ZNF140: variants seen among roughly 807,000 people sequenced by gnomAD.
ZNF140 encodes the protein zinc finger protein 140, also known as zinc finger protein 140 (clone pHZ-39).
Under a neutral mutation model 12.9 loss-of-function variants are expected in ZNF140, and 13 were observed. That is an observed-to-expected ratio of 1.01 (90% confidence interval 0.66 to 1.60). ZNF140 has a LOEUF of 1.60. Ranked by LOEUF, ZNF140 falls within the 40% of genes most tolerant of loss-of-function variation. The pLI is 0.00. For synonymous variants in ZNF140, 214 were observed against 186.7 expected (o/e 1.15, Z -1.19); for missense variants, 531 against 548.8 (o/e 0.97, Z 0.32).
chr12:133,089,779 C>A (rs1954794938), intron 4 of ZNF140, among the ~76,000 whole-genome samples: 1 of 150,900 alleles, frequency 6.6e-6, no homozygotes, highest in Admixed American at 6.6e-5. Flanking sequence ...TTTTAATTAT[C>A]TTTTCAGAGA....
chr12:133,090,739 A>G (rs954154239), intron 4 of ZNF140, among the ~76,000 whole-genome samples: 93 of 147,730 alleles, frequency 6.3e-4, no homozygotes, highest in South Asian at 4.6e-3. Context: ...TATTTCAGCA[A>G]AAAGGAATGT....
At chr12:133,086,098 G>A (rs958892561) in intron 4 of ZNF140, among the ~76,000 whole-genome samples, 1 of 151,992 alleles carries the variant, frequency 6.6e-6, no homozygotes, top group Non-Finnish European at 1.5e-5. Context: ...CAATTTATTC[G>A]TTCTACTATT....
Position 133,083,544 on chromosome 12 carries a change from A to G in ZNF140, c.215A>G (p.Lys72Arg). The G allele has an allele frequency of 6.2e-7, 1 of 1,614,118 alleles. No homozygotes were observed. Among genetic ancestry groups the G allele is most frequent in the South Asian group, 1.1e-5 (1 of 91,074 alleles). The change falls in exon 4 of 5, where the codon AAA (lysine) becomes AGA (arginine). Residue 72 changes from lysine (K) to arginine (R), a missense_variant. Transcript: ENST00000355557. The stretch of plus-strand genomic sequence containing the variant: ...CCCTGGCTGGGGAAAAGGGAAGTGA[A>G]AAGAGATCTGTTTTCAGGTGAGTGA... Reference protein sequence around the residue: ...KEPWLGKREVKRDLFSVSESS... With the variant: ...KEPWLGKREVRRDLFSVSESS...
intron 4 of ZNF140, among the ~76,000 whole-genome samples, chr12:133,090,843 T>C (rs1438164928): frequency 1.2e-4 from 16 of 129,308 alleles, no homozygotes; most frequent in Admixed American, 3.2e-4. Flanking sequence ...GAAGGTACTA[T>C]GCCTAGATGT....
At position 133,083,174 on chromosome 12, in the gene ZNF140, AAG is replaced by A; in HGVS notation, c.85_86del (p.Asp29PhefsTer22). 6.2e-7 allele frequency: 1 copy of A among 1,614,216 alleles called. No homozygotes were observed. The highest frequency in any genetic ancestry group is 8.5e-7 in the Non-Finnish European group (1 of 1,180,036). ...AGTGGAAATGGCTTCAGCCTGCTCAAAGAGATTTGTACAGATGTGTAATGTTG... is the reference window on the plus strand; with the variant it reads ...AGTGGAAATGGCTTCAGCCTGCTCAAAGATTTGTACAGATGTGTAATGTTG... ...EEWKWLQPAQ[R>X]DLYRCVMLEN... On this transcript the variant is annotated frameshift_variant, in exon 3 of 5. Coordinates refer to ENST00000355557, the MANE Select transcript of ZNF140 (RefSeq NM_003440.4). LOFTEE classifies it high-confidence loss of function.
chr12:133,105,524 G>C lies in ZNF140; in HGVS notation c.247G>C (p.Gly83Arg). Residue 83 changes from glycine (G) to arginine (R), a missense_variant, in exon 5 of 5, where the codon GGT becomes CGT. Coordinates refer to ENST00000355557, the MANE Select transcript of ZNF140 (RefSeq NM_003440.4). ...GTATCTTTCAGTTTCAGAGTCAAGTGGTGAGATCAAAGACTTTTCACCAAA... is the reference window on the plus strand; with the variant it reads ...GTATCTTTCAGTTTCAGAGTCAAGTCGTGAGATCAAAGACTTTTCACCAAA... The part of the protein sequence containing the change: ...RDLFSVSESS[G>R]EIKDFSPKNV... 6.2e-7 allele frequency: 1 copy of C among 1,603,366 alleles called. No homozygotes were observed. The highest frequency in any genetic ancestry group is 8.5e-7 in the Non-Finnish European group (1 of 1,175,580).
chr12:133,090,431 C>G (rs1389904131), intron 4 of ZNF140, among the ~76,000 whole-genome samples: 1 of 152,224 alleles, frequency 6.6e-6, no homozygotes, highest in Non-Finnish European at 1.5e-5. Flanking sequence ...GTGTGAGCCA[C>G]TGCACCTGGG....
chr12:133,102,687 T>C (rs1172139590), intron 4 of ZNF140, among the ~76,000 whole-genome samples: 1 of 150,896 alleles, frequency 6.6e-6, no homozygotes, highest in Non-Finnish European at 1.5e-5. Context: ...AGGCGGCGGT[T>C]GCAGTGAGCC....
intron 4 of ZNF140, among the ~76,000 whole-genome samples, chr12:133,100,561 T>C (rs961179460): frequency 3.3e-5 from 5 of 152,226 alleles, no homozygotes; most frequent in African/African-American, 1.2e-4. Context: ...CTGAGTTGCT[T>C]TTTTTCTTCT....
Position 133,105,620 on chromosome 12 carries a change from T to G in ZNF140, c.343T>G (p.Ser115Ala), listed in dbSNP as rs1315050768. The change falls in exon 5 of 5, where the codon TCC (serine) becomes GCC (alanine). Residue 115 changes from serine (S) to alanine (A), a missense_variant. By Grantham distance (99) the Ser-to-Ala change is moderately conservative. Coordinates refer to ENST00000355557, the MANE Select transcript of ZNF140 (RefSeq NM_003440.4). ...ERILSQGPVY[S>A]SFKGGWKCKD... ...AATTCTAAGTCAAGGCCCTGTGTAT[T>G]CCAGTTTTAAAGGAGGCTGGAAATG... 2 of 1,614,050 alleles carry G rather than the reference T, an allele frequency of 1.2e-6. No homozygotes were observed. The highest frequency in any genetic ancestry group is 1.7e-6 in the Non-Finnish European group (2 of 1,180,038).
At position 133,106,604 on chromosome 12, in the gene ZNF140, T is replaced by C; in HGVS notation, c.1327T>C (p.Tyr443His). Residue 443 changes from tyrosine (Y) to histidine (H), a missense_variant, in exon 5 of 5, where the codon TAT becomes CAT. Physicochemically the swap from Tyr to His is moderately conservative, Grantham distance 83. Coordinates refer to ENST00000355557, the MANE Select transcript of ZNF140 (RefSeq NM_003440.4). ...ACACACTCTTGACAACCCCTATGAATATGAAAATTCATTTAATTACCACTC... is the reference window on the plus strand; with the variant it reads ...ACACACTCTTGACAACCCCTATGAACATGAAAATTCATTTAATTACCACTC... ...RTHTLDNPYEYENSFNYHSFL... is the reference protein window; with the variant it reads ...RTHTLDNPYEHENSFNYHSFL... 2 of 1,606,530 alleles carry C rather than the reference T, an allele frequency of 1.2e-6. No homozygotes were observed. The highest frequency in any genetic ancestry group is 1.7e-6 in the Non-Finnish European group (2 of 1,177,928).
chr12:133,095,259 T>C (rs1955028159), intron 4 of ZNF140, among the ~76,000 whole-genome samples: 1 of 150,930 alleles, frequency 6.6e-6, no homozygotes. Flanking sequence ...AAGCTTTAAC[T>C]CCCCCTCTTC....
intron 4 of ZNF140, among the ~76,000 whole-genome samples, chr12:133,085,447 C>T (rs1954642915): frequency 6.6e-6 from 1 of 152,156 alleles, no homozygotes; most frequent in African/African-American, 2.4e-5. Flanking sequence ...CATACATGTA[C>T]AGCTTAATAA....
At chr12:133,100,344 A>T (rs1044953370) in intron 4 of ZNF140, among the ~76,000 whole-genome samples, 82 of 151,636 alleles carry the variant, frequency 5.4e-4, no homozygotes, top group Non-Finnish European at 9.7e-4. Flanking sequence ...ATTTAAAAAA[A>T]TTTTTTTAGA....
intron 4 of ZNF140, among the ~76,000 whole-genome samples, chr12:133,087,723 ATTG>A (rs1954720239): frequency 6.6e-6 from 1 of 152,198 alleles, no homozygotes; most frequent in African/African-American, 2.4e-5. Context: ...TCTTTGTAGA[ATTG>A]TTGCATACCT....
At position 133,080,965 on chromosome 12, in the gene ZNF140, G is replaced by A. The variant is rs1954450771; in HGVS notation, c.-156G>A. ...TGTAGGCAACGAAAGGAGCCCTCCC[G>A]GTCTGCGCCGGATGGCCCCGGGCGG... On this transcript the variant is annotated 5_prime_UTR_variant, in exon 1 of 5. Coordinates refer to ENST00000355557, the MANE Select transcript of ZNF140 (RefSeq NM_003440.4). 6.3e-6 allele frequency: 1 copy of A among 159,662 alleles called. No individual in the cohort carries two copies. The highest frequency in any genetic ancestry group is 2.4e-5 in the African/African-American group (1 of 41,638). 9.9% of individuals were successfully genotyped at this position (159,662 alleles called of 1,614,324 possible).
At position 133,106,672 on chromosome 12, in the gene ZNF140, CTA is replaced by C. The variant is rs1593815595; in HGVS notation, c.*23_*24del. 1 of 1,533,056 alleles carries C rather than the reference CTA, an allele frequency of 6.5e-7. No homozygotes were observed. 95.0% of individuals were successfully genotyped at this position (1,533,056 alleles called of 1,614,324 possible). On this transcript the variant is annotated 3_prime_UTR_variant, in exon 5 of 5. Coordinates refer to ENST00000355557, the MANE Select transcript of ZNF140 (RefSeq NM_003440.4). ...AGTGAATTTACACTGCAAAGAAAAA[CTA>C]TGAATGTATGGAATTTTTTAAAAAG...
intron 4 of ZNF140, 69 bp from the exon 5 acceptor site, chr12:133,105,441 G>T: frequency 1.4e-6 from 2 of 1,436,318 alleles, no homozygotes; most frequent in East Asian, 2.4e-5. Context: ...TGCTAAAGAA[G>T]GGAGAAATGG....
chr12:133,091,114 A>G (rs879188789), intron 4 of ZNF140, among the ~76,000 whole-genome samples: 1,485 of 144,606 alleles, frequency 0.01, 29 homozygotes, highest in Middle Eastern at 0.015. Context: ...GACCTTTTAC[A>G]GGTGTCGGGC....
Sources: gnomAD v4.1 joint callset for allele counts (sites outside exome capture counted in the v4.1 genomes callset) on GRCh38, gnomAD v4.1.1 for gene constraint, MANE v1.5 for transcripts, NCBI Gene and HGNC (gene_info 2026-07-23, HGNC 2026-07-21) for gene names.